Variants in WSB2 observed in about 807,000 individuals in gnomAD.
The protein encoded by WSB2 is WD repeat and SOCS box-containing protein 2.
A neutral mutation model predicts 48.8 loss-of-function variants in WSB2; 12 were observed. The ratio of observed to expected loss-of-function variants is 0.25; its 90% CI spans 0.16 to 0.40. The LOEUF (loss-of-function observed/expected upper bound fraction) is 0.40. Among genes scored for constraint, WSB2 ranks in the 10% least tolerant of loss-of-function variants. The pLI is 1.00. For missense variants in WSB2, 317 were observed against 506.2 expected (o/e 0.63, Z 3.59); for synonymous variants, 191 against 203.1 (o/e 0.94, Z 0.51).
Position 118,052,383 on chromosome 12 carries a change from C to G in WSB2, c.109G>C (p.Asp37His). 1 of 1,614,212 alleles carries G rather than the reference C, an allele frequency of 6.2e-7. No homozygotes were observed. The highest frequency in any genetic ancestry group is 8.5e-7 in the Non-Finnish European group (1 of 1,180,040). The change falls in exon 2 of 9, where the codon GAT (aspartate) becomes CAT (histidine). Residue 37 changes from aspartate (D) to histidine (H), a missense_variant. Physicochemically the swap from Asp to His is moderately conservative, Grantham distance 81. Around this residue, in one of 2 missense-constraint regions of WSB2, gnomAD observed 128 missense variants for 156.7 expected, o/e 0.82. Coordinates refer to ENST00000315436, the MANE Select transcript of WSB2 (RefSeq NM_018639.5). ...TGAGACCAAGCAAACCAGGAGCCAT[C>G]TGGGGAGAAGGCGACGCTCCAGGTT... is the stretch of plus-strand genomic sequence containing the variant. ...CETWSVAFSP[D>H]GSWFAWSQGH... is the part of the protein sequence containing the mutation.
chr12:118,058,916 G>C (rs1403123645), intron 1 of WSB2, among the ~76,000 whole-genome samples: 1 of 151,904 alleles, frequency 6.6e-6, no homozygotes, highest in Non-Finnish European at 1.5e-5. Flanking sequence ...GGCTGGTCTC[G>C]AACTCCTGGC....
chr12:118,036,269 T>G, intron 6 of WSB2, 69 bp downstream of exon 6: 1 of 1,524,140 alleles, frequency 6.6e-7, no homozygotes, highest in Non-Finnish European at 8.9e-7. Flanking sequence ...AAAAGAGACA[T>G]GTCTAATCCC....
chr12:118,061,152 C>A lies in WSB2; in HGVS notation c.-104G>T, dbSNP rs2032058456. ...CCGCCCGCCCCGGCCAGGCCGCCGC[C>A]GCCGCCCGGAGAGGCCATCAGCTGC... On this transcript the variant is annotated 5_prime_UTR_variant, in exon 1 of 9. Coordinates refer to ENST00000315436, the MANE Select transcript of WSB2 (RefSeq NM_018639.5). 1.0e-6 allele frequency: 1 copy of A among 982,572 alleles called. No individual in the cohort carries two copies. The highest frequency in any genetic ancestry group is 1.2e-6 in the Non-Finnish European group (1 of 828,708). 60.9% of individuals were successfully genotyped at this position (982,572 alleles called of 1,614,324 possible).
intron 5 of WSB2, among the ~76,000 whole-genome samples, chr12:118,037,600 G>A (rs1395124471): frequency 1.3e-5 from 2 of 151,490 alleles, no homozygotes; most frequent in South Asian, 2.1e-4. Flanking sequence ...CCCGGGAAGC[G>A]GAGGTTGCAG....
intron 1 of WSB2, among the ~76,000 whole-genome samples, chr12:118,057,350 T>C (rs7134751): frequency 0.12 from 18,472 of 151,682 alleles, 1,723 homozygotes; most frequent in East Asian, 0.42. Flanking sequence ...TCTCGGCTCA[T>C]TGCAACCTCC....
At chr12:118,034,893 G>T (rs745760279) in intron 8 of WSB2, 93 bp downstream of exon 8, 8 of 1,245,768 alleles carry the variant, frequency 6.4e-6, no homozygotes, top group Non-Finnish European at 7.9e-6. Flanking sequence ...TTCCTCATAG[G>T]CAAGAAAATT....
At chr12:118,049,666 G>T (rs1226854686) in intron 2 of WSB2, among the ~76,000 whole-genome samples, 1 of 152,150 alleles carries the variant, frequency 6.6e-6, no homozygotes, top group Non-Finnish European at 1.5e-5. Flanking sequence ...GCCTCCCAAA[G>T]TGCTGGGATT....
intron 5 of WSB2, 110 bp from the exon 6 acceptor site, chr12:118,036,620 G>C (rs2031517516): frequency 2.6e-6 from 3 of 1,157,680 alleles, no homozygotes; most frequent in African/African-American, 3.1e-5. Flanking sequence ...AGCCAGGGCT[G>C]ATTCTCTATC....
chr12:118,056,260 A>T (rs2031956173), intron 1 of WSB2, among the ~76,000 whole-genome samples: 1 of 151,954 alleles, frequency 6.6e-6, no homozygotes, highest in Non-Finnish European at 1.5e-5. Context: ...CCCTCTGCCA[A>T]TGCTCAATTA....
At chr12:118,059,393 T>G (rs527298809) in intron 1 of WSB2, among the ~76,000 whole-genome samples, 1 of 152,322 alleles carries the variant, frequency 6.6e-6, no homozygotes, top group East Asian at 1.9e-4. Context: ...GGGGCTGGCC[T>G]AGAGGGTGCC....
chr12:118,043,077 A>C, intron 3 of WSB2, 56 bp downstream of exon 3: 1 of 1,613,930 alleles, frequency 6.2e-7, no homozygotes, highest in Non-Finnish European at 8.5e-7. Context: ...GAGGCGACAT[A>C]GTCAGAACAT....
upstream of WSB2, chr12:118,061,310 T>A: frequency 3.8e-6 from 2 of 528,756 alleles, no homozygotes; most frequent in Non-Finnish European, 4.7e-6. Context: ...GGGGAGGCGG[T>A]ACGCTGACGG....
chr12:118,056,184 T>A (rs2031954963), intron 1 of WSB2, among the ~76,000 whole-genome samples: 3 of 152,178 alleles, frequency 2.0e-5, no homozygotes, highest in Middle Eastern at 3.4e-3. Context: ...TCCAGCATAA[T>A]CTGAACTTCC....
At chr12:118,051,013 C>T (rs766221300) in intron 2 of WSB2, among the ~76,000 whole-genome samples, 27 of 151,654 alleles carry the variant, frequency 1.8e-4, no homozygotes, top group Non-Finnish European at 3.2e-4. Flanking sequence ...GATCATGCCA[C>T]TGTACTCCAG....
chr12:118,061,262 A>G, upstream of WSB2: 1 of 781,318 alleles, frequency 1.3e-6, no homozygotes, highest in Non-Finnish European at 1.5e-6. Flanking sequence ...GACGGGATAA[A>G]AACGGTGGGG....
rs1566136422 is a variant in WSB2, at chr12:118,038,117, C to T, written c.660+171G>A. On this transcript the variant is annotated intron_variant, in intron 5 of 8. Coordinates refer to ENST00000315436, the MANE Select transcript of WSB2 (RefSeq NM_018639.5). The stretch of plus-strand genomic sequence containing the variant: ...TCCAAATCCCTCCTGTCTTTGGGTT[C>T]GTGTTAAAGTGCAAGTCACAAGGGA... 8 of 499,578 alleles carry T rather than the reference C, an allele frequency of 1.6e-5. No individual in the cohort carries two copies. The South Asian group carries it at 2.7e-4, about 17-fold the overall frequency. The allele number at this position is 499,578 out of a possible 1,614,324, so 30.9% of individuals were successfully genotyped here. A position where few individuals can be genotyped will look rare whatever the true frequency, so the allele number is the denominator to read the frequency against.
upstream of WSB2, chr12:118,062,029 G>A (rs71452629): frequency 8.9e-6 from 13 of 1,455,814 alleles, no homozygotes; most frequent in Non-Finnish European, 1.1e-5. Context: ...GGTGAAAACC[G>A]GAGTGGGGGT....
intron 5 of WSB2, 165 bp downstream of exon 5, chr12:118,038,123 A>T: frequency 1.9e-6 from 1 of 533,236 alleles, no homozygotes; most frequent in African/African-American, 1.9e-5. Context: ...GGTTCGTGTT[A>T]AAGTGCAAGT....
rs1478378915 is a variant in WSB2 at position 118,061,130 on chromosome 12, C to T, written c.-82G>A. On this transcript the variant is annotated 5_prime_UTR_variant, in exon 1 of 9. Transcript: ENST00000315436. ...GGGCCCTCATGCCGCCCCCGCGCCG[C>T]CCGCCCCGGCCAGGCCGCCGCCGCC... 1 of 981,178 alleles carries T rather than the reference C, an allele frequency of 1.0e-6. No individual in the cohort carries two copies. Among genetic ancestry groups the T allele is most frequent in the Non-Finnish European group, 1.2e-6 (1 of 828,242 alleles). The allele number at this position is 981,178 out of a possible 1,614,324, so 60.8% of individuals were successfully genotyped here.
Sources: allele counts gnomAD v4.1 joint callset (sites outside exome capture counted in the v4.1 genomes callset), GRCh38; gene constraint gnomAD v4.1.1; regional missense constraint gnomAD v4.1.1; transcripts MANE v1.5; gene names NCBI Gene and HGNC (gene_info 2026-07-23, HGNC 2026-07-21).